Variants in GUCY2C observed in about 807,000 individuals in gnomAD.
GUCY2C encodes the protein guanylate cyclase 2C.
Under a neutral mutation model 131.1 loss-of-function variants are expected in GUCY2C, and 118 were observed. The observed-to-expected ratio is 0.90, with a 90% CI of 0.78 to 1.05. GUCY2C has a LOEUF of 1.05. GUCY2C is among the 50% of genes least tolerant of loss of function. The pLI, the probability that GUCY2C is intolerant of heterozygous loss-of-function variation, is 0.00. For synonymous variants in GUCY2C, 452 were observed against 457.8 expected, an observed-to-expected ratio of 0.99 and a Z score of 0.16; for missense variants, 1,161 against 1,304.4, an observed-to-expected ratio of 0.89 and a Z score of 1.69.
At chr12:14,639,677 T>C (rs1947353362) in intron 19 of GUCY2C, among the ~76,000 whole-genome samples, 185 bp downstream of exon 19, 1 of 152,190 alleles carries the variant, frequency 6.6e-6, no homozygotes, top group Admixed American at 6.5e-5. Context: ...CAGAAGCTTC[T>C]GGAAGAAGTA....
At chr12:14,669,641 C>A (rs969390393) in intron 10 of GUCY2C, 81 bp downstream of exon 10, 93 of 727,422 alleles carry the variant, frequency 1.3e-4, no homozygotes, top group Non-Finnish European at 2.0e-4. Context: ...AAAGCACAGG[C>A]TAATTACATA....
intron 9 of GUCY2C, among the ~76,000 whole-genome samples, chr12:14,671,222 C>T (rs561584766): frequency 6.6e-6 from 1 of 152,294 alleles, no homozygotes; most frequent in Non-Finnish European, 1.5e-5. Context: ...TCTGCAACCT[C>T]TGCCTCCCAG....
chr12:14,695,016 C>T (rs1233097170), intron 1 of GUCY2C, among the ~76,000 whole-genome samples: 3 of 151,938 alleles, frequency 2.0e-5, no homozygotes, highest in African/African-American at 4.8e-5. Context: ...TAATTTATAT[C>T]CAGTGGATAT....
chr12:14,619,410 C>A, intron 23 of GUCY2C, 101 bp from the exon 24 acceptor site: 1 of 715,426 alleles, frequency 1.4e-6, no homozygotes, highest in South Asian at 1.8e-5. Flanking sequence ...CTGAATACTT[C>A]CTGTCATGGA....
chr12:14,685,149 T>C (rs1331094212), intron 3 of GUCY2C, among the ~76,000 whole-genome samples: 2 of 152,212 alleles, frequency 1.3e-5, no homozygotes, highest in East Asian at 3.9e-4. Context: ...TCTTCATAAA[T>C]GGTGAATCAA....
chr12:14,652,023 A>G lies in GUCY2C; in HGVS notation c.1541T>C (p.Ile514Thr), dbSNP rs1189868850. ...ATCATTGTGCTTGAGATCTTTGAGA[A>G]TCACTCGCTGCAAAAATCAATGAAA... ...RQCKYDKKRV[I>T]LKDLKHNDGN... The change falls in exon 14 of 27, where the codon ATT becomes ACT. Residue 514 changes from isoleucine (I) to threonine (T), a missense_variant. Physicochemically the swap from Ile to Thr is moderately conservative, Grantham distance 89. Transcript: ENST00000261170. 1.9e-6 allele frequency: 3 copies of G among 1,591,986 alleles called. No homozygotes were observed. The highest frequency in any genetic ancestry group is 2.6e-6 in the Non-Finnish European group (3 of 1,160,596).
At chr12:14,671,912 C>T (rs2900335) in intron 9 of GUCY2C, among the ~76,000 whole-genome samples, 110,781 of 152,144 alleles carry the variant, frequency 0.73, 42,698 homozygotes, top group Non-Finnish European at 0.86. Context: ...CTAGAAACTA[C>T]GAATTACATT....
At chr12:14,639,455 G>T (rs1947349927) in intron 19 of GUCY2C, among the ~76,000 whole-genome samples, 1 of 152,154 alleles carries the variant, frequency 6.6e-6, no homozygotes, top group Admixed American at 6.6e-5. Context: ...ACCTATGAAT[G>T]CTACCTTATT....
In GUCY2C at chr12:14,672,919, A is replaced by G. The variant is rs147742759; in HGVS notation, c.1124T>C (p.Val375Ala). ...GPVTLDDWGDVDSTMVLLYTS... is the reference protein window; with the variant it reads ...GPVTLDDWGDADSTMVLLYTS... ...ATACAGAAGCACCATGGTACTGTCA[A>G]CATCCCCCCAGTCATCCAAGGTCAC... Residue 375 changes from valine to alanine, a missense_variant, in exon 9 of 27, where the codon GTT (valine) becomes GCT (alanine). Coordinates refer to ENST00000261170, the MANE Select transcript of GUCY2C (RefSeq NM_004963.4). The G allele has an allele frequency of 1.2e-4, 197 of 1,609,508 alleles. No individual in the cohort carries two copies. Among genetic ancestry groups the G allele is most frequent in the Non-Finnish European group, 1.5e-4 (175 of 1,175,798 alleles).
intron 26 of GUCY2C, among the ~76,000 whole-genome samples, chr12:14,614,279 G>T (rs1946711785): frequency 6.6e-6 from 1 of 152,106 alleles, no homozygotes; most frequent in Non-Finnish European, 1.5e-5. Flanking sequence ...TAAGAAAGTG[G>T]ACAGAATAGG....
chr12:14,670,142 A>G (rs1231872838), intron 9 of GUCY2C, among the ~76,000 whole-genome samples: 1 of 152,230 alleles, frequency 6.6e-6, no homozygotes, highest in Non-Finnish European at 1.5e-5. Flanking sequence ...TTCAAATGTT[A>G]AACTAGAGGC....
Position 14,616,973 on chromosome 12 carries a change from G to C in GUCY2C, c.2876-246C>G, listed in dbSNP as rs1558794. On this transcript the variant is annotated intron_variant, in intron 24 of 26. Transcript: ENST00000261170. ...CCCCAGTGCTGGAGTCCTGGCCCCC[G>C]ACCAGGTGTCTGGGTCACAGGGGTG... Among the ~76,000 whole-genome samples, 146,900 of 152,270 alleles carry C rather than the reference G, an allele frequency of 0.96. 71,005 individuals are homozygous for C. Among genetic ancestry groups the C allele is most frequent in the East Asian group, 1 (5,170 of 5,170 alleles).
rs545602063 is a variant in GUCY2C at position 14,637,933 on chromosome 12, A to G, written c.2157+1929T>C. On this transcript the variant is annotated intron_variant, in intron 19 of 26. Coordinates refer to ENST00000261170, the MANE Select transcript of GUCY2C (RefSeq NM_004963.4). ...GCAAGGGAAACAACAGAGTGAAGAG[A>G]CAACCTGTTGAATGGGAGAAAGTAT... Among the ~76,000 whole-genome samples the G allele has an allele frequency of 1.8e-3, 269 of 152,350 alleles. 1 individual carries two copies. The highest frequency in any genetic ancestry group is 6.1e-3 in the African/African-American group (254 of 41,580).
At chr12:14,674,368 T>C (rs970320734) in intron 8 of GUCY2C, 1 of 495,938 alleles carries the variant, frequency 2.0e-6, no homozygotes, top group Non-Finnish European at 3.7e-6. Context: ...ATGATGAGCT[T>C]GTTCATAAGT....
At position 14,668,318 on chromosome 12, in the gene GUCY2C, G is replaced by A. The variant is rs1437379216; in HGVS notation, c.1282+1404C>T. Among the ~76,000 whole-genome samples the A allele has an allele frequency of 3.9e-5, 6 of 152,082 alleles. No individual in the cohort carries two copies. The East Asian group carries it at 5.8e-4, about 15-fold the overall frequency. ...CCTGAGTAGCTAGGATTATAGGCAC[G>A]CACCATCATGCCCAGCTAATTTTTG... On this transcript the variant is annotated intron_variant, in intron 10 of 26. Coordinates refer to ENST00000261170, the MANE Select transcript of GUCY2C (RefSeq NM_004963.4).
intron 7 of GUCY2C, among the ~76,000 whole-genome samples, chr12:14,675,230 GAAAAA>G (rs1338137300): frequency 1.0e-5 from 1 of 97,892 alleles, no homozygotes; most frequent in African/African-American, 3.9e-5. Flanking sequence ...AAAAAAAAAA[GAAAAA>G]AAGAAAGAAA....
rs115396291 is a variant in GUCY2C, at chr12:14,661,766, C to T, written c.1283-704G>A. Among the ~76,000 whole-genome samples, 678 of 152,140 alleles carry T rather than the reference C, an allele frequency of 4.5e-3. 7 individuals carry two copies. Among genetic ancestry groups the T allele is most frequent in the African/African-American group, 0.016 (654 of 41,504 alleles). On this transcript the variant is annotated intron_variant, in intron 10 of 26. Coordinates refer to ENST00000261170, the MANE Select transcript of GUCY2C (RefSeq NM_004963.4). ...TTGTTTTTAAATACAGAGCACATGC[C>T]GGAAGAAAAGTAAGTCAGTATAGAA...
intron 3 of GUCY2C, among the ~76,000 whole-genome samples, chr12:14,684,170 T>G (rs1454738655): frequency 6.6e-6 from 1 of 152,196 alleles, no homozygotes; most frequent in Admixed American, 6.5e-5. Flanking sequence ...TGAGTCTCAT[T>G]AAATGCAACT....
At chr12:14,660,957 C>G (rs755516537) in intron 11 of GUCY2C, 24 bp downstream of exon 11, 1 of 1,518,446 alleles carries the variant, frequency 6.6e-7, no homozygotes. Context: ...ATACCGAACA[C>G]AGGCATGATA....
Sources: allele counts gnomAD v4.1 joint callset (sites outside exome capture counted in the v4.1 genomes callset), GRCh38; gene constraint gnomAD v4.1.1; transcripts MANE v1.5; gene names NCBI Gene and HGNC (gene_info 2026-07-23, HGNC 2026-07-21).